The following GPC5 variants were observed in gnomAD, a reference collection of about 807,000 sequenced individuals.
GPC5 encodes the protein glypican-5.
A neutral mutation model predicts 53.9 loss-of-function variants in GPC5; 47 were observed. The observed-to-expected ratio is 0.87, with a 90% CI of 0.69 to 1.11. The LOEUF is 1.11. Among genes scored for constraint, GPC5 ranks in the 50% most tolerant of loss-of-function variants. GPC5 has a pLI of 0.00. For missense variants in GPC5, 748 were observed against 713.1 expected, an observed-to-expected ratio of 1.05 and a Z score of -0.56; for synonymous variants, 286 against 263.3, an observed-to-expected ratio of 1.09 and a Z score of -0.84.
At chr13:92,211,696 C>T (rs1333426584) in intron 7 of GPC5, among the ~76,000 whole-genome samples, 5 of 152,260 alleles carry the variant, frequency 3.3e-5, no homozygotes, top group Admixed American at 2.6e-4. Context: ...ATAAGCCCTC[C>T]AGGTGATTCT....
At chr13:92,316,373 T>C (rs1480706896) in intron 7 of GPC5, among the ~76,000 whole-genome samples, 1 of 152,180 alleles carries the variant, frequency 6.6e-6, no homozygotes, top group African/African-American at 2.4e-5. Flanking sequence ...CAGATAATTA[T>C]GCTTTCCTTA....
chr13:92,565,394 G>T (rs139035831), intron 7 of GPC5, among the ~76,000 whole-genome samples: 1 of 152,096 alleles, frequency 6.6e-6, no homozygotes, highest in East Asian at 1.9e-4. Flanking sequence ...GAATCTAAGT[G>T]ATTAAGATCT....
At chr13:91,894,070 T>C (rs1027489373) in intron 5 of GPC5, among the ~76,000 whole-genome samples, 2 of 152,164 alleles carry the variant, frequency 1.3e-5, no homozygotes, top group Non-Finnish European at 2.9e-5. Context: ...GCCTAACTTT[T>C]ATAAACACTT....
At chr13:92,761,227 G>A (rs1298253662) in intron 7 of GPC5, among the ~76,000 whole-genome samples, 1 of 152,096 alleles carries the variant, frequency 6.6e-6, no homozygotes, top group Non-Finnish European at 1.5e-5. Flanking sequence ...GCTATTTGCA[G>A]GCATAATTAT....
chr13:92,434,131 G>A (rs1300101962), intron 7 of GPC5, among the ~76,000 whole-genome samples: 4 of 152,168 alleles, frequency 2.6e-5, no homozygotes, highest in Non-Finnish European at 5.9e-5. Flanking sequence ...TGGGAGAAAT[G>A]TTGACATCAT....
chr13:92,730,648 T>C (rs752910442), intron 7 of GPC5, among the ~76,000 whole-genome samples: 1 of 151,380 alleles, frequency 6.6e-6, no homozygotes, highest in Non-Finnish European at 1.5e-5. Context: ...GTATCATTTA[T>C]TGAAAAACAA....
intron 5 of GPC5, among the ~76,000 whole-genome samples, chr13:91,888,061 G>A (rs1005895593): frequency 2.6e-5 from 4 of 152,102 alleles, no homozygotes; most frequent in East Asian, 1.9e-4. Context: ...AGAAATATGC[G>A]AGAATGAGTA....
At chr13:91,690,818 T>G (rs995487215) in intron 2 of GPC5, among the ~76,000 whole-genome samples, 38 of 152,310 alleles carry the variant, frequency 2.5e-4, no homozygotes, top group African/African-American at 7.9e-4. Context: ...CAATTGTCAG[T>G]CACATGAACA....
At chr13:92,822,372 T>C (rs1381577238) in intron 7 of GPC5, among the ~76,000 whole-genome samples, 1 of 152,072 alleles carries the variant, frequency 6.6e-6, no homozygotes. Flanking sequence ...TAGCTCTCTC[T>C]CTCTGAGTTA....
At chr13:92,779,203 T>C (rs993892084) in intron 7 of GPC5, among the ~76,000 whole-genome samples, 1 of 152,058 alleles carries the variant, frequency 6.6e-6, no homozygotes, top group African/African-American at 2.4e-5. Flanking sequence ...AACTCCCCTT[T>C]TTAAAACCAT....
At chr13:92,824,108 T>C (rs1361031499) in intron 7 of GPC5, among the ~76,000 whole-genome samples, 1 of 152,100 alleles carries the variant, frequency 6.6e-6, no homozygotes, top group Non-Finnish European at 1.5e-5. Context: ...TTAAAGTTCT[T>C]AAATCCTACA....
At chr13:91,727,457 A>C (rs2036599773) in intron 3 of GPC5, among the ~76,000 whole-genome samples, 1 of 151,954 alleles carries the variant, frequency 6.6e-6, no homozygotes, top group African/African-American at 2.4e-5. Context: ...CTTAAATTAC[A>C]AGCTCTATTA....
At chr13:91,509,152 A>G (rs147277141) in intron 2 of GPC5, among the ~76,000 whole-genome samples, 13 of 152,290 alleles carry the variant, frequency 8.5e-5, no homozygotes, top group African/African-American at 1.4e-4. Context: ...AATATTCCCT[A>G]TAAGTCTTAA....
intron 7 of GPC5, among the ~76,000 whole-genome samples, chr13:92,527,502 A>G (rs1773233326): frequency 6.6e-6 from 1 of 152,098 alleles, no homozygotes; most frequent in African/African-American, 2.4e-5. Flanking sequence ...TTGGAAAAAC[A>G]AAGGTCACCG....
intron 4 of GPC5, among the ~76,000 whole-genome samples, chr13:91,735,052 T>C (rs2036784675): frequency 6.6e-6 from 1 of 151,142 alleles, no homozygotes; most frequent in South Asian, 2.1e-4. Context: ...GTTCATTTAA[T>C]GTAAAATAAA....
intron 7 of GPC5, among the ~76,000 whole-genome samples, chr13:92,655,649 C>T (rs1168091399): frequency 6.6e-6 from 1 of 152,164 alleles, no homozygotes; most frequent in Non-Finnish European, 1.5e-5. Context: ...TCGGTTGCCA[C>T]TTTTGGAGTA....
rs1319944578 is a variant in GPC5 at position 91,983,112 on chromosome 13, G to C, written c.1401+75055G>C. Among the ~76,000 whole-genome samples the C allele has an allele frequency of 2.6e-5, 4 of 152,068 alleles. No homozygotes were observed. In the East Asian group the frequency reaches 7.7e-4, roughly 29 times the overall value. ...TGTAATCCCAGCACTTTGGGATGCC[G>C]AGACGGGCGGATCACGAGGTCAGGA... is the stretch of plus-strand genomic sequence containing the variant. On this transcript the variant is annotated intron_variant, in intron 6 of 7. Transcript: ENST00000377067.
chr13:92,052,151 G>A (rs2041035038), intron 6 of GPC5, among the ~76,000 whole-genome samples: 1 of 152,156 alleles, frequency 6.6e-6, no homozygotes, highest in Non-Finnish European at 1.5e-5. Flanking sequence ...AAATCTAATA[G>A]TGTTAGAGAT....
chr13:91,808,285 C>A (rs180904381), intron 5 of GPC5, among the ~76,000 whole-genome samples: 1 of 152,124 alleles, frequency 6.6e-6, no homozygotes, highest in Admixed American at 6.5e-5. Context: ...ACCCAAATAC[C>A]ATATGAAAGA....
Sources: allele counts gnomAD v4.1 joint callset (sites outside exome capture counted in the v4.1 genomes callset), GRCh38; gene constraint gnomAD v4.1.1; transcripts MANE v1.5; gene names NCBI Gene and HGNC (gene_info 2026-07-23, HGNC 2026-07-21).